Variants in CADM2 observed in about 807,000 individuals in gnomAD.
The protein encoded by CADM2 is immunoglobulin superfamily member 4D.
In CADM2, 12 loss-of-function variants were observed where a neutral mutation model predicts 49.8. The observed-to-expected ratio is 0.24, with a 90% CI of 0.15 to 0.39. The LOEUF is 0.39. Ranked by LOEUF, CADM2 falls within the 10% of genes least tolerant of loss-of-function variation. The probability of loss-of-function intolerance (pLI) is 1.00; values close to 1 mark genes in which losing one functional copy is unlikely to be tolerated. For missense variants in CADM2, 378 were observed against 492.3 expected (o/e 0.77, Z 2.20); for synonymous variants, 214 against 175.4 (o/e 1.22, Z -1.74).
intron 1 of CADM2, among the ~76,000 whole-genome samples, chr3:85,051,171 G>C (rs2035868490): frequency 2.0e-5 from 3 of 152,124 alleles, no homozygotes; most frequent in African/African-American, 7.2e-5. Flanking sequence ...TAGGTATAAA[G>C]TTAACGTCAT....
chr3:85,889,198 T>C (rs1714091686), intron 5 of CADM2, among the ~76,000 whole-genome samples: 1 of 152,198 alleles, frequency 6.6e-6, no homozygotes, highest in African/African-American at 2.4e-5. Context: ...CAAATCTTTA[T>C]CTTTTCTCTA....
intron 1 of CADM2, among the ~76,000 whole-genome samples, chr3:85,072,529 T>G (rs921062570): frequency 3.3e-5 from 5 of 152,076 alleles, no homozygotes; most frequent in Non-Finnish European, 7.4e-5. Context: ...TGCCAAAGAA[T>G]TACTCATAAT....
chr3:85,006,838 G>A (rs1183601359), intron 1 of CADM2, among the ~76,000 whole-genome samples: 1 of 151,932 alleles, frequency 6.6e-6, no homozygotes, highest in Non-Finnish European at 1.5e-5. Context: ...GTTTTAATTT[G>A]TCTACTTTCT....
At chr3:85,144,760 A>C (rs888959532) in intron 1 of CADM2, among the ~76,000 whole-genome samples, 2 of 152,182 alleles carry the variant, frequency 1.3e-5, no homozygotes, top group African/African-American at 4.8e-5. Flanking sequence ...AATTTGATTC[A>C]ATAATTTGTA....
chr3:86,015,110 C>T (rs1187600913), intron 8 of CADM2: 14 of 551,232 alleles, frequency 2.5e-5, no homozygotes, highest in Non-Finnish European at 3.6e-5. Flanking sequence ...CCAAAACCAT[C>T]GAAAATACCT....
intron 1 of CADM2, among the ~76,000 whole-genome samples, chr3:85,225,631 T>C (rs1361226145): frequency 2.6e-5 from 4 of 152,192 alleles, no homozygotes; most frequent in Non-Finnish European, 5.9e-5. Context: ...GAACTTCCAA[T>C]ACTATATTCA....
intron 8 of CADM2, among the ~76,000 whole-genome samples, chr3:85,970,110 A>T: frequency 6.6e-6 from 1 of 151,084 alleles, no homozygotes; most frequent in Non-Finnish European, 1.5e-5. Flanking sequence ...TGAAAAAAAA[A>T]AAGACGTGTT....
intron 1 of CADM2, among the ~76,000 whole-genome samples, chr3:85,568,627 T>A (rs1433740913): frequency 1.5e-5 from 2 of 131,480 alleles, no homozygotes; most frequent in African/African-American, 2.8e-5. Flanking sequence ...TTTTTTTTTT[T>A]ACAGTCTGTC....
Position 85,315,916 on chromosome 3 carries a change from C to T in CADM2, c.61+356248C>T, listed in dbSNP as rs146520354. On this transcript the variant is annotated intron_variant, in intron 1 of 9. Coordinates refer to ENST00000383699, the MANE Select transcript of CADM2 (RefSeq NM_001167675.2). ...ATATTTACGTACACATGCATACACA[C>T]GCCTATGTGTATTATTAAAAGCACA... Among the ~76,000 whole-genome samples the T allele has an allele frequency of 1.5e-4, 23 of 152,170 alleles. No homozygotes were observed. In the East Asian group the frequency reaches 2.7e-3, roughly 18 times the overall value.
At chr3:85,924,322 G>T (rs185518779) in intron 6 of CADM2, among the ~76,000 whole-genome samples, 31 of 152,226 alleles carry the variant, frequency 2.0e-4, no homozygotes, top group African/African-American at 6.7e-4. Flanking sequence ...TGGCACAGTG[G>T]TTCACGCTTG....
chr3:85,022,250 C>T (rs2034542464), intron 1 of CADM2, among the ~76,000 whole-genome samples: 1 of 152,178 alleles, frequency 6.6e-6, no homozygotes, highest in African/African-American at 2.4e-5. Flanking sequence ...ATGTTCTAAG[C>T]ATCTTTGGTC....
At chr3:85,684,528 C>T (rs1389889112) in intron 1 of CADM2, among the ~76,000 whole-genome samples, 2 of 151,920 alleles carry the variant, frequency 1.3e-5, no homozygotes, top group Admixed American at 1.3e-4. Context: ...TTGCTAGGGT[C>T]TTGTGTATTA....
intron 1 of CADM2, among the ~76,000 whole-genome samples, chr3:85,617,931 CTTTTTT>C (rs1288190110): frequency 6.6e-6 from 1 of 152,068 alleles, no homozygotes; most frequent in Non-Finnish European, 1.5e-5. Context: ...AGGAAGGTGC[CTTTTTT>C]TAAAATAATA....
chr3:85,373,157 A>G (rs1162552854), intron 1 of CADM2, among the ~76,000 whole-genome samples: 3 of 152,084 alleles, frequency 2.0e-5, no homozygotes. Flanking sequence ...CAAGGCAACT[A>G]ATGAGCGTGT....
chr3:86,006,088 A>G (rs942220816), intron 8 of CADM2, among the ~76,000 whole-genome samples: 2 of 152,172 alleles, frequency 1.3e-5, no homozygotes, highest in Admixed American at 1.3e-4. Flanking sequence ...CATTGTGTAT[A>G]TGTACCACAT....
chr3:85,670,653 T>C (rs2065708638), intron 1 of CADM2, among the ~76,000 whole-genome samples: 1 of 152,160 alleles, frequency 6.6e-6, no homozygotes, highest in Admixed American at 6.6e-5. Flanking sequence ...ACTTGAAATG[T>C]TAACATAAAA....
intron 6 of CADM2, among the ~76,000 whole-genome samples, chr3:85,923,170 A>T (rs1719368447): frequency 6.6e-6 from 1 of 152,142 alleles, no homozygotes; most frequent in Admixed American, 6.6e-5. Context: ...AATGCTTTCA[A>T]CATGTTTCCA....
intron 1 of CADM2, among the ~76,000 whole-genome samples, chr3:85,085,920 C>A (rs2037351796): frequency 6.6e-6 from 1 of 152,072 alleles, no homozygotes; most frequent in African/African-American, 2.4e-5. Flanking sequence ...ATGGGTAGGG[C>A]ATCAGGGTGA....
chr3:84,985,758 T>C (rs1185082750), intron 1 of CADM2, among the ~76,000 whole-genome samples: 1 of 152,242 alleles, frequency 6.6e-6, no homozygotes, highest in Non-Finnish European at 1.5e-5. Context: ...CTTAGTAGAA[T>C]TGCTGACCTG....
Sources: allele counts gnomAD v4.1 joint callset (sites outside exome capture counted in the v4.1 genomes callset), GRCh38; gene constraint gnomAD v4.1.1; transcripts MANE v1.5; gene names NCBI Gene and HGNC (gene_info 2026-07-23, HGNC 2026-07-21).